The following ABCB5 variants were observed in gnomAD, a reference collection of about 807,000 sequenced individuals.
The protein encoded by ABCB5 is ATP-binding cassette sub-family B member 5.
ABCB5 carries 155 observed loss-of-function variants against 144.2 expected under a neutral mutation model. The ratio of observed to expected loss-of-function variants is 1.08; its 90% CI spans 0.94 to 1.23. The LOEUF is 1.23. Among genes scored for constraint, ABCB5 ranks in the 50% most tolerant of loss-of-function variants. The pLI is 0.00. For synonymous variants in ABCB5, 610 were observed against 528.6 expected (o/e 1.15, Z -2.11); for missense variants, 1,830 against 1,520.8 (o/e 1.20, Z -3.38).
chr7:20,652,482 ATCAC>A (rs1784629306), intron 13 of ABCB5, among the ~76,000 whole-genome samples: 1 of 152,190 alleles, frequency 6.6e-6, no homozygotes, highest in South Asian at 2.1e-4. Context: ...AGGCAGGAGA[ATCAC>A]TTGAACCTGG....
chr7:20,704,119 G>A (rs185800183), intron 19 of ABCB5, among the ~76,000 whole-genome samples: 11 of 109,858 alleles, frequency 1.0e-4, no homozygotes, highest in East Asian at 6.2e-4. Flanking sequence ...TCTGGCATCC[G>A]AGCTGGAGTG....
At chr7:20,647,760 C>T (rs1784454186) in intron 10 of ABCB5, 112 bp downstream of exon 10, 1 of 1,460,346 alleles carries the variant, frequency 6.8e-7, no homozygotes, top group South Asian at 1.3e-5. Context: ...TTAATGTTGG[C>T]CAGTTGTTTA....
intron 23 of ABCB5, among the ~76,000 whole-genome samples, chr7:20,736,151 T>A (rs1381226961): frequency 6.6e-6 from 1 of 152,194 alleles, no homozygotes; most frequent in African/African-American, 2.4e-5. Context: ...TGGAAAGTTG[T>A]GATTTGACCT....
At chr7:20,692,320 T>A (rs1786257071) in intron 16 of ABCB5, among the ~76,000 whole-genome samples, 1 of 151,868 alleles carries the variant, frequency 6.6e-6, no homozygotes, top group Non-Finnish European at 1.5e-5. Context: ...AACAAGAAGA[T>A]AATGGAGCAA....
intron 21 of ABCB5, among the ~76,000 whole-genome samples, chr7:20,726,457 C>G (rs1375778696): frequency 6.7e-6 from 1 of 149,186 alleles, no homozygotes; most frequent in Non-Finnish European, 1.5e-5. Flanking sequence ...ACCTCCACCT[C>G]CCAGGTTCAA....
intron 20 of ABCB5, among the ~76,000 whole-genome samples, chr7:20,720,744 G>C (rs1781833641): frequency 6.6e-6 from 1 of 151,938 alleles, no homozygotes; most frequent in South Asian, 2.1e-4. Context: ...AGGAGATCGA[G>C]ACCATCCTGG....
chr7:20,647,576 A>C lies in ABCB5; in HGVS notation c.1023A>C (p.Ala341=). The change falls in exon 10 of 28, where the codon GCA becomes GCC. Residue 341 remains alanine, a synonymous_variant. Coordinates refer to ENST00000404938, the MANE Select transcript of ABCB5 (RefSeq NM_001163941.2). ...TCCATAGCAGTTATTGCATTGGAGC[A>C]GCAGTCCCTCACTTTGAAACCTTCG... The part of the protein sequence containing the change: ...SVIHSSYCIG[A]AVPHFETFAI... 6.3e-7 allele frequency: 1 copy of C among 1,589,686 alleles called. No homozygotes were observed. Among genetic ancestry groups the C allele is most frequent in the East Asian group, 2.3e-5 (1 of 44,412 alleles).
intron 27 of ABCB5, among the ~76,000 whole-genome samples, chr7:20,754,302 GATT>G (rs914599106): frequency 6.6e-6 from 1 of 152,142 alleles, no homozygotes; most frequent in Non-Finnish European, 1.5e-5. Context: ...GCTTGAAGAT[GATT>G]ATTATTCTTG....
Position 20,728,396 on chromosome 7 carries a change from G to A in ABCB5, c.2808G>A (p.Gly936=), listed in dbSNP as rs1782105563. Residue 936 remains glycine (G), a synonymous_variant, in exon 23 of 28, where the codon GGG becomes GGA. Coordinates refer to ENST00000404938, the MANE Select transcript of ABCB5 (RefSeq NM_001163941.2). The part of the protein sequence containing the change: ...HAFIYFAYAA[G]FRFGAYLIQA... Reference sequence around the variant, plus strand: ...TTATATATTTTGCCTATGCGGCAGGGTTTCGATTTGGAGCCTATTTAATTC... The same window carrying A: ...TTATATATTTTGCCTATGCGGCAGGATTTCGATTTGGAGCCTATTTAATTC... The A allele has an allele frequency of 2.5e-6, 4 of 1,614,154 alleles. No individual in the cohort carries two copies. The highest frequency in any genetic ancestry group is 3.4e-6 in the Non-Finnish European group (4 of 1,180,016).
chr7:20,754,496 T>G (rs573263061), intron 27 of ABCB5, among the ~76,000 whole-genome samples: 8 of 152,220 alleles, frequency 5.3e-5, no homozygotes, highest in Non-Finnish European at 1.0e-4. Flanking sequence ...AGAATTTAAA[T>G]GAGATATCCA....
intron 14 of ABCB5, chr7:20,660,482 C>G: frequency 1.2e-6 from 1 of 855,752 alleles, no homozygotes; most frequent in Non-Finnish European, 1.4e-6. Context: ...CTAGATTAAT[C>G]ATATACTCTT....
At position 20,664,865 on chromosome 7, in the gene ABCB5, G is replaced by A. The variant is rs75741087; in HGVS notation, c.1707+6189G>A. On this transcript the variant is annotated intron_variant, in intron 14 of 27. Transcript: ENST00000404938. ...AGCTACTTGGGAGGCTACAGTGGGA[G>A]AATCACGTGAGACCAGGAGCTCAAT... 2.6e-3 allele frequency among the ~76,000 whole-genome samples: 395 copies of A among 152,308 alleles called. 1 individual carries two copies. The highest frequency in any genetic ancestry group is 0.01 in the Middle Eastern group (3 of 294).
At chr7:20,745,166 C>G in intron 25 of ABCB5, 66 bp from the exon 26 acceptor site, 1 of 1,462,186 alleles carries the variant, frequency 6.8e-7, no homozygotes, top group Admixed American at 1.7e-5. Flanking sequence ...TGTTTGAATA[C>G]AGTGAACTGT....
At chr7:20,752,586 C>A (rs1397990436) in intron 26 of ABCB5, among the ~76,000 whole-genome samples, 1 of 152,196 alleles carries the variant, frequency 6.6e-6, no homozygotes, top group Non-Finnish European at 1.5e-5. Context: ...CGGTAGCTCA[C>A]GCCTGCAATC....
chr7:20,752,285 G>A (rs1474818730), intron 26 of ABCB5, among the ~76,000 whole-genome samples: 1 of 152,178 alleles, frequency 6.6e-6, no homozygotes, highest in East Asian at 1.9e-4. Context: ...AGGGCCACTA[G>A]AAAGCAATGT....
chr7:20,716,159 T>C (rs969821510), intron 20 of ABCB5, among the ~76,000 whole-genome samples: 1 of 152,186 alleles, frequency 6.6e-6, no homozygotes, highest in Non-Finnish European at 1.5e-5. Flanking sequence ...TTTTATCCTT[T>C]CGACAATATA....
At chr7:20,686,968 G>T (rs1393132143) in intron 16 of ABCB5, among the ~76,000 whole-genome samples, 1 of 151,938 alleles carries the variant, frequency 6.6e-6, no homozygotes, top group East Asian at 1.9e-4. Flanking sequence ...TTTCCTTTTA[G>T]GTATGTGGTC....
At chr7:20,656,362 T>C (rs1471866165) in intron 13 of ABCB5, among the ~76,000 whole-genome samples, 1 of 152,088 alleles carries the variant, frequency 6.6e-6, no homozygotes, top group South Asian at 2.1e-4. Flanking sequence ...ATTTATAATA[T>C]ACATGTCCGA....
rs77182994 is a variant in ABCB5, at chr7:20,661,500, G to A, written c.1707+2824G>A. Among the ~76,000 whole-genome samples the A allele has an allele frequency of 4.6e-3, 693 of 151,226 alleles. 1 individual carries two copies. The highest frequency in any genetic ancestry group is 7.4e-3 in the Non-Finnish European group (500 of 67,828). ...TGAGTGTGATCCAGGATACTTCTAA[G>A]ACCAGAAATATTCTTTTTTGCTTTC... On this transcript the variant is annotated intron_variant, in intron 14 of 27. Transcript: ENST00000404938.
Sources: gnomAD v4.1 joint callset for allele counts (sites outside exome capture counted in the v4.1 genomes callset) on GRCh38, gnomAD v4.1.1 for gene constraint, MANE v1.5 for transcripts, NCBI Gene and HGNC (gene_info 2026-07-23, HGNC 2026-07-21) for gene names.